The following ERICH6B variants were observed in gnomAD, a reference collection of about 807,000 sequenced individuals.
ERICH6B encodes glutamate rich 6B.
Under a neutral mutation model 80.0 loss-of-function variants are expected in ERICH6B, and 69 were observed. That is an observed-to-expected ratio of 0.86 (90% CI 0.71 to 1.05). The LOEUF is 1.05. Ranked by LOEUF, ERICH6B falls within the 50% of genes least tolerant of loss-of-function variation. The pLI is 0.00. For missense variants in ERICH6B, 754 were observed against 796.1 expected (o/e 0.95, Z 0.64); for synonymous variants, 283 against 291.9 (o/e 0.97, Z 0.31).
chr13:45,601,584 G>A (rs1014258000), intron 2 of ERICH6B, among the ~76,000 whole-genome samples: 9 of 151,984 alleles, frequency 5.9e-5, no homozygotes, highest in Admixed American at 2.6e-4. Context: ...AAAATCAGCC[G>A]GTCCCCTGGA....
chr13:45,606,531 A>T (rs1440368268), intron 2 of ERICH6B, among the ~76,000 whole-genome samples: 1 of 43,256 alleles, frequency 2.3e-5, no homozygotes, highest in Admixed American at 3.3e-4. Context: ...ATATATATAT[A>T]TATATATATA....
At chr13:45,608,791 AT>A (rs956351490) in intron 1 of ERICH6B, among the ~76,000 whole-genome samples, 1 of 152,236 alleles carries the variant, frequency 6.6e-6, no homozygotes, top group Non-Finnish European at 1.5e-5. Context: ...GGATGTAACG[AT>A]TCAATACATG....
intron 2 of ERICH6B, among the ~76,000 whole-genome samples, chr13:45,598,237 C>T (rs1876483466): frequency 6.6e-6 from 1 of 152,128 alleles, no homozygotes; most frequent in African/African-American, 2.4e-5. Flanking sequence ...GTAAATGTCT[C>T]AATGATAGTG....
intron 5 of ERICH6B, 69 bp from the exon 6 acceptor site, chr13:45,580,734 G>A: frequency 6.8e-7 from 1 of 1,461,640 alleles, no homozygotes; most frequent in Non-Finnish European, 9.3e-7. Flanking sequence ...GTTCATACTG[G>A]GTATGTGGGG....
At chr13:45,561,755 A>G (rs1245270222) in intron 10 of ERICH6B, among the ~76,000 whole-genome samples, 1 of 152,152 alleles carries the variant, frequency 6.6e-6, no homozygotes, top group African/African-American at 2.4e-5. Flanking sequence ...TTCACTCAAC[A>G]TGTACTTATC....
chr13:45,577,274 A>ATTTT (rs1443888878), intron 7 of ERICH6B, among the ~76,000 whole-genome samples: 1 of 110,792 alleles, frequency 9.0e-6, no homozygotes, highest in Non-Finnish European at 1.8e-5. Context: ...TTAAAAACAA[A>ATTTT]TCTTTTTTTT....
At chr13:45,545,177 G>T (rs1374099774) in intron 13 of ERICH6B, among the ~76,000 whole-genome samples, 192 bp from the exon 14 acceptor site, 1 of 152,154 alleles carries the variant, frequency 6.6e-6, no homozygotes, top group African/African-American at 2.4e-5. Context: ...CTCACCATAT[G>T]GCCCTGTCCT....
rs71074722 is a variant in ERICH6B, at chr13:45,606,547, A to ATT, written c.-59+1015_-59+1016dup. ...TATATATATATATATATATATATAT[A>ATT]TTTTTTTTTTTTTTTTTTTTTTTGG... On this transcript the variant is annotated intron_variant, in intron 2 of 14. Coordinates refer to ENST00000298738, the MANE Select transcript of ERICH6B (RefSeq NM_182542.3). Among the ~76,000 whole-genome samples, 45 of 16,606 alleles carry ATT rather than the reference A, an allele frequency of 2.7e-3. 3 individuals are homozygous for ATT. The highest frequency in any genetic ancestry group is 6.8e-3 in the African/African-American group (38 of 5,592). The allele number at this position is 16,606 out of a possible 152,430, so 10.9% of individuals were successfully genotyped here.
intron 1 of ERICH6B, among the ~76,000 whole-genome samples, chr13:45,608,436 G>A (rs1421612141): frequency 5.3e-5 from 8 of 152,132 alleles, no homozygotes; most frequent in African/African-American, 1.4e-4. Flanking sequence ...TCTTTTCTTT[G>A]TCTTGTCACT....
rs1254977523 is a variant in ERICH6B, at chr13:45,550,279, T to C, written c.1445A>G (p.Asn482Ser). 3 of 1,551,542 alleles carry C rather than the reference T, an allele frequency of 1.9e-6. No homozygotes were observed. The highest frequency in any genetic ancestry group is 2.6e-6 in the Non-Finnish European group (3 of 1,146,940). Residue 482 changes from asparagine to serine, a missense_variant, in exon 12 of 15, where the codon AAC becomes AGC. Coordinates refer to ENST00000298738, the MANE Select transcript of ERICH6B (RefSeq NM_182542.3). ...AAAGAGAATTTGATAGACATTCTTG[T>C]TGGGGTAGAGAATTAATTTTCCATC... ...QGDGKLILYP[N>S]KNVYQILFPD...
intron 2 of ERICH6B, among the ~76,000 whole-genome samples, chr13:45,606,531 ATATATATATATATATATTTTTTTTTTT>A (rs1949864603): frequency 2.3e-5 from 1 of 43,254 alleles, no homozygotes; most frequent in South Asian, 9.4e-4. Flanking sequence ...ATATATATAT[ATATATATATATATATATTTTTTTTTTT>A]TTTTTTTTTT....
At position 45,596,726 on chromosome 13, in the gene ERICH6B, C is replaced by T. The variant is rs28690079; in HGVS notation, c.280G>A (p.Glu94Lys). The T allele has an allele frequency of 1.3e-6, 2 of 1,551,748 alleles. No individual in the cohort carries two copies. Among genetic ancestry groups the T allele is most frequent in the Non-Finnish European group, 1.7e-6 (2 of 1,147,010 alleles). ...CCTGCCTTCTCCAGATACTCTTCCT[C>T]CTCCAGATGCTCTTCCTTCCCCAGA... ...EYLGKEEHLE[E>K]EEYLEKAGYL... Residue 94 changes from glutamate to lysine, a missense_variant, in exon 3 of 15, where the codon GAG (glutamate) becomes AAG (lysine). Transcript: ENST00000298738.
chr13:45,613,990 C>A (rs898427001), intron 1 of ERICH6B, among the ~76,000 whole-genome samples: 1 of 152,176 alleles, frequency 6.6e-6, no homozygotes, highest in Non-Finnish European at 1.5e-5. Flanking sequence ...CAGGATACAT[C>A]AGCCCCATCT....
At chr13:45,609,501 T>C (rs887963076) in intron 1 of ERICH6B, among the ~76,000 whole-genome samples, 1 of 152,226 alleles carries the variant, frequency 6.6e-6, no homozygotes, top group Non-Finnish European at 1.5e-5. Context: ...CCTCATAATA[T>C]TTGTTACTCC....
intron 4 of ERICH6B, among the ~76,000 whole-genome samples, chr13:45,589,479 G>C (rs766382126): frequency 3.9e-5 from 6 of 152,180 alleles, no homozygotes; most frequent in Non-Finnish European, 7.3e-5. Flanking sequence ...TGTGCTGTAT[G>C]CTGGCCACTG....
chr13:45,547,459 A>G (rs550121339), intron 13 of ERICH6B, among the ~76,000 whole-genome samples: 5 of 152,328 alleles, frequency 3.3e-5, no homozygotes, highest in Admixed American at 6.5e-5. Context: ...ATCAGTAACA[A>G]AAGACCCAAG....
intron 5 of ERICH6B, among the ~76,000 whole-genome samples, chr13:45,582,542 G>C (rs762831805): frequency 3.3e-5 from 5 of 152,146 alleles, no homozygotes; most frequent in African/African-American, 9.7e-5. Flanking sequence ...ATCTGACTAT[G>C]TTATCCTCAG....
At chr13:45,606,520 TATATATATATATATATATATATA>T (rs1949862719) in intron 2 of ERICH6B, among the ~76,000 whole-genome samples, 4 of 20,216 alleles carry the variant, frequency 2.0e-4, no homozygotes, top group African/African-American at 5.4e-4. Context: ...TATATATATA[TATATATATATATATATATATATA>T]TATATTTTTT....
chr13:45,596,272 A>G (rs1046041481), intron 3 of ERICH6B, 97 bp downstream of exon 3: 1 of 1,383,350 alleles, frequency 7.2e-7, no homozygotes, highest in Non-Finnish European at 9.6e-7. Context: ...CCTCCTCCAG[A>G]TACTCATCCC....
Sources: gnomAD v4.1 joint callset for allele counts (sites outside exome capture counted in the v4.1 genomes callset) on GRCh38, gnomAD v4.1.1 for gene constraint, MANE v1.5 for transcripts, NCBI Gene and HGNC (gene_info 2026-07-23, HGNC 2026-07-21) for gene names.